Variants in LMO2 observed in about 807,000 individuals in gnomAD.
LMO2 encodes rhombotin-2.
A neutral mutation model predicts 23.2 loss-of-function variants in LMO2; 20 were observed. That is an observed-to-expected ratio of 0.86 (90% CI 0.61 to 1.25). LMO2 has a LOEUF of 1.25. Ranked by LOEUF, LMO2 falls within the 50% of genes most tolerant of loss-of-function variation. LMO2 has a pLI of 0.00. For synonymous variants in LMO2, 123 were observed against 130.2 expected (o/e 0.94, Z 0.38); for missense variants, 270 against 315.3 (o/e 0.86, Z 1.09).
At position 33,880,136 on chromosome 11, in the gene LMO2, T is replaced by C. The variant is rs1857228286; in HGVS notation, c.-272+1688A>G. On this transcript the variant is annotated intron_variant, in intron 2 of 5. Coordinates refer to ENST00000257818, the MANE Select transcript of LMO2 (RefSeq NM_005574.4). This position sits in a 1 kb window ranked among gnomAD's most constrained non-coding sequence, Gnocchi z 4.3. ...TGGATTTTTTAAAGTGATATACGCA[T>C]ACTATTTTATGTGTACATATATATA... Among the ~76,000 whole-genome samples the C allele has an allele frequency of 6.7e-6, 1 of 150,218 alleles. No homozygotes were observed. Among genetic ancestry groups the C allele is most frequent in the Non-Finnish European group, 1.5e-5 (1 of 67,400 alleles).
chr11:33,875,533 G>A (rs955169943), intron 2 of LMO2, among the ~76,000 whole-genome samples: 30 of 147,594 alleles, frequency 2.0e-4, no homozygotes, highest in African/African-American at 7.6e-4. Flanking sequence ...AACTGAGACC[G>A]TGCCGTTGCA....
intron 1 of LMO2, among the ~76,000 whole-genome samples, chr11:33,887,198 A>G (rs183303666): frequency 6.6e-6 from 1 of 152,362 alleles, no homozygotes; most frequent in East Asian, 1.9e-4. Flanking sequence ...ACTGATTTGG[A>G]AACCACAAGC....
At chr11:33,868,963 C>A (rs1178652799) in intron 4 of LMO2, among the ~76,000 whole-genome samples, 1 of 152,186 alleles carries the variant, frequency 6.6e-6, no homozygotes, top group Non-Finnish European at 1.5e-5. Context: ...GAGAAAGGAC[C>A]GAGAAGGAGA....
chr11:33,878,420 A>G (rs1857187884), intron 2 of LMO2, among the ~76,000 whole-genome samples: 1 of 152,206 alleles, frequency 6.6e-6, no homozygotes, highest in South Asian at 2.1e-4. Context: ...CCTGGCTTCA[A>G]GTCTCTGCTT....
chr11:33,869,428 T>C lies in LMO2; in HGVS notation c.166A>G (p.Lys56Glu). 1 of 1,195,842 alleles carries C rather than the reference T, an allele frequency of 8.4e-7. No homozygotes were observed. The highest frequency in any genetic ancestry group is 1.0e-6 in the Non-Finnish European group (1 of 959,136). 74.1% of individuals were successfully genotyped at this position (1,195,842 alleles called of 1,614,324 possible). The change falls in exon 4 of 6, where the codon AAG (lysine) becomes GAG (glutamate). Residue 56 changes from lysine (K) to glutamate (E), a missense_variant. By Grantham distance (56) the Lys-to-Glu change is moderately conservative (BLOSUM62 1). Around this residue, in one of 2 missense-constraint regions of LMO2, gnomAD observed 170 missense variants for 162.0 expected, o/e 1.05. Transcript: ENST00000257818. The stretch of plus-strand genomic sequence containing the variant: ...GTGCCGGGCGGCGGGGGCGCTCCCT[T>C]TGTGGCGCGGGGCTGGCCGGCTGCC... ...APAAGQPRATKGAPPPPGTPP... is the reference protein window; with the variant it reads ...APAAGQPRATEGAPPPPGTPP...
intron 2 of LMO2, chr11:33,881,602 C>T: frequency 2.8e-6 from 1 of 355,812 alleles, no homozygotes; most frequent in South Asian, 2.1e-5. Flanking sequence ...CACACTGTCT[C>T]TCAGCTCAAA....
In LMO2 at chr11:33,880,933, T is replaced by C. The variant is rs370262835; in HGVS notation, c.-272+891A>G. ...TCGAATAGTGCTCATCCCTGACTTC[T>C]GGATAAACTTCTTTGCAGAAGCCCA... On this transcript the variant is annotated intron_variant, in intron 2 of 5. Transcript: ENST00000257818. The surrounding 1 kb of genome is among the most constrained non-coding windows in gnomAD (Gnocchi z 4.3). 1.1e-4 allele frequency: 36 copies of C among 341,726 alleles called. No homozygotes were observed. In the East Asian group the frequency reaches 2.3e-3, roughly 22 times the overall value. The allele number at this position is 341,726 out of a possible 1,614,324, so 21.2% of individuals were successfully genotyped here. A position where few individuals can be genotyped will look rare whatever the true frequency, so the allele number is the denominator to read the frequency against.
rs201444364 is a variant in LMO2 at position 33,864,572 on chromosome 11, G to A, written c.464+30C>T. On this transcript the variant is annotated intron_variant, in intron 5 of 5. Transcript: ENST00000257818. This position sits in a 1 kb window ranked among gnomAD's most constrained non-coding sequence, Gnocchi z 4.8. ...CCATGGACCACCCAGCCTCCCTTCC[G>A]AGGGCCCAGTGGAGTGCCGGGGAGG... is the stretch of plus-strand genomic sequence containing the variant. 8.8e-6 allele frequency: 14 copies of A among 1,588,216 alleles called. 1 individual carries two copies. Among genetic ancestry groups the A allele is most frequent in the South Asian group, 7.8e-5 (7 of 89,622 alleles).
intron 1 of LMO2, among the ~76,000 whole-genome samples, chr11:33,891,380 C>CACAA (rs1470325829): frequency 2.9e-5 from 4 of 136,284 alleles, no homozygotes; most frequent in African/African-American, 5.3e-5. Context: ...CACACACACA[C>CACAA]ACACACACAT....
chr11:33,886,053 T>G (rs1857398260), intron 1 of LMO2, among the ~76,000 whole-genome samples: 1 of 152,144 alleles, frequency 6.6e-6, no homozygotes, highest in African/African-American at 2.4e-5. Context: ...TTTTTTTGTA[T>G]TTTTAGTAGA....
Position 33,869,726 on chromosome 11 carries a change from G to A in LMO2, c.-10C>T, listed in dbSNP as rs1248384002. Reference sequence around the variant, plus strand: ...GGACTTAACCTTCCATCCCGGTCCCGCCGCCGCCACCGCCCGGTCCCTCTC... The same window carrying A: ...GGACTTAACCTTCCATCCCGGTCCCACCGCCGCCACCGCCCGGTCCCTCTC... On this transcript the variant is annotated 5_prime_UTR_variant, in exon 3 of 6. Transcript: ENST00000257818. 6.2e-6 allele frequency: 8 copies of A among 1,285,378 alleles called. No homozygotes were observed. The highest frequency in any genetic ancestry group is 5.7e-5 in the Admixed American group (2 of 34,818). The allele number at this position is 1,285,378 out of a possible 1,614,324, so 79.6% of individuals were successfully genotyped here.
Position 33,859,157 on chromosome 11 carries a change from C to T in LMO2, c.*199G>A. The T allele has an allele frequency of 1.8e-6, 1 of 554,254 alleles. No individual in the cohort carries two copies. Among genetic ancestry groups the T allele is most frequent in the East Asian group, 3.0e-5 (1 of 33,656 alleles). The allele number at this position is 554,254 out of a possible 1,614,324, so 34.3% of individuals were successfully genotyped here. ...ATAAGTTCTCCCTCAAGGGCTGGTCCTTCTGTCACCTTGAAGTGTCAGCCC... is the reference window on the plus strand; with the variant it reads ...ATAAGTTCTCCCTCAAGGGCTGGTCTTTCTGTCACCTTGAAGTGTCAGCCC... On this transcript the variant is annotated 3_prime_UTR_variant, in exon 6 of 6. Transcript: ENST00000257818.
At chr11:33,879,807 A>G (rs1247574836) in intron 2 of LMO2, among the ~76,000 whole-genome samples, 1 of 152,188 alleles carries the variant, frequency 6.6e-6, no homozygotes, top group Non-Finnish European at 1.5e-5. Flanking sequence ...ATGAGATACT[A>G]CTGCATACCC....
chr11:33,868,216 A>G (rs1374408640), intron 4 of LMO2, among the ~76,000 whole-genome samples: 2 of 152,228 alleles, frequency 1.3e-5, no homozygotes, highest in East Asian at 3.8e-4. Flanking sequence ...GGTAAAACCC[A>G]GGTAAATAAA....
Position 33,869,696 on chromosome 11 carries a change from G to T in LMO2, c.7+14C>A. The stretch of plus-strand genomic sequence containing the variant: ...CCAGGCGGCTGCAGCTGCTGCTGCT[G>T]CTCAGGACTTAACCTTCCATCCCGG... On this transcript the variant is annotated intron_variant, in intron 3 of 5. Transcript: ENST00000257818. 7.7e-7 allele frequency: 1 copy of T among 1,299,256 alleles called. No individual in the cohort carries two copies. The highest frequency in any genetic ancestry group is 1.6e-5 in the African/African-American group (1 of 63,898). 80.5% of individuals were successfully genotyped at this position (1,299,256 alleles called of 1,614,324 possible). A position where few individuals can be genotyped will look rare whatever the true frequency, so the allele number is the denominator to read the frequency against.
chr11:33,869,083 T>C (rs1856896005), intron 4 of LMO2, among the ~76,000 whole-genome samples: 1 of 152,182 alleles, frequency 6.6e-6, no homozygotes, highest in Admixed American at 6.5e-5. Context: ...CGTGGTGGCT[T>C]TGGGGAGCGT....
Position 33,859,312 on chromosome 11 carries a change from C to T in LMO2, c.*44G>A, listed in dbSNP as rs758053916. ...GAAGACGAAGATGCCATGGAGACGGCGTCTTCAGTGAACACCTCCCCAAAG... is the reference window on the plus strand; with the variant it reads ...GAAGACGAAGATGCCATGGAGACGGTGTCTTCAGTGAACACCTCCCCAAAG... On this transcript the variant is annotated 3_prime_UTR_variant, in exon 6 of 6. Coordinates refer to ENST00000257818, the MANE Select transcript of LMO2 (RefSeq NM_005574.4). 48 of 1,448,574 alleles carry T rather than the reference C, an allele frequency of 3.3e-5. No individual in the cohort carries two copies. In the Middle Eastern group the frequency reaches 1.6e-3, roughly 48 times the overall value. The allele number at this position is 1,448,574 out of a possible 1,614,324, so 89.7% of individuals were successfully genotyped here.
chr11:33,881,602 C>G, intron 2 of LMO2: 1 of 355,812 alleles, frequency 2.8e-6, no homozygotes. Flanking sequence ...CACACTGTCT[C>G]TCAGCTCAAA....
chr11:33,877,896 T>G lies in LMO2; in HGVS notation c.-272+3928A>C, dbSNP rs3781576. 2.8e-4 allele frequency among the ~76,000 whole-genome samples: 42 copies of G among 151,956 alleles called. No homozygotes were observed. The East Asian group carries it at 8.1e-3, about 29-fold the overall frequency. On this transcript the variant is annotated intron_variant, in intron 2 of 5. Coordinates refer to ENST00000257818, the MANE Select transcript of LMO2 (RefSeq NM_005574.4). ...CAAAAAAAAACAGAGAAAGAGCTGC[T>G]TGTTTTTTCTGCCAGTTTTTGCTGC...
Sources: gnomAD v4.1 joint callset for allele counts (sites outside exome capture counted in the v4.1 genomes callset) on GRCh38, gnomAD v4.1.1 for gene constraint, gnomAD v4.1.1 regional missense constraint, Gnocchi (gnomAD v3.1) non-coding constraint, MANE v1.5 for transcripts, NCBI Gene and HGNC (gene_info 2026-07-23, HGNC 2026-07-21) for gene names.